Variants in ASIC2 observed in about 807,000 individuals in gnomAD.
The protein encoded by ASIC2 is acid sensing ion channel subunit 2.
ASIC2 carries 25 observed loss-of-function variants against 57.3 expected under a neutral mutation model. The ratio of observed to expected loss-of-function variants is 0.44; its 90% CI spans 0.32 to 0.61. ASIC2 has a LOEUF of 0.61. ASIC2 is among the 20% of genes least tolerant of loss of function. ASIC2 has a pLI of 0.06. For synonymous variants in ASIC2, 319 were observed against 307.5 expected, an observed-to-expected ratio of 1.04 and a Z score of -0.39; for missense variants, 641 against 738.1, an observed-to-expected ratio of 0.87 and a Z score of 1.52.
intron 1 of ASIC2, among the ~76,000 whole-genome samples, chr17:33,309,268 T>A (rs1308959064): frequency 1.3e-5 from 2 of 152,164 alleles, no homozygotes; most frequent in Admixed American, 1.3e-4. Context: ...CACACATCTC[T>A]TTTTCTTCAT....
At chr17:33,522,444 C>T (rs1166575437) in intron 1 of ASIC2, among the ~76,000 whole-genome samples, 1 of 152,206 alleles carries the variant, frequency 6.6e-6, no homozygotes, top group Non-Finnish European at 1.5e-5. Flanking sequence ...TTTGTAGGGG[C>T]AGCGGCTTGG....
chr17:33,232,359 T>C (rs1440535912), intron 1 of ASIC2, among the ~76,000 whole-genome samples: 1 of 152,038 alleles, frequency 6.6e-6, no homozygotes, highest in Non-Finnish European at 1.5e-5. Context: ...TAAATTTCTG[T>C]AGGTAAGACA....
chr17:33,486,000 C>T (rs1156760192), intron 1 of ASIC2, among the ~76,000 whole-genome samples: 1 of 152,340 alleles, frequency 6.6e-6, no homozygotes, highest in African/African-American at 2.4e-5. Flanking sequence ...CTTGCCCCCG[C>T]CTCACGGCTG....
At chr17:33,883,380 C>G (rs1914751548) in intron 1 of ASIC2, among the ~76,000 whole-genome samples, 1 of 152,202 alleles carries the variant, frequency 6.6e-6, no homozygotes, top group South Asian at 2.1e-4. Flanking sequence ...TAGCTTAAAA[C>G]TGAACTTGTA....
chr17:33,161,873 T>G (rs1016029735), intron 1 of ASIC2, among the ~76,000 whole-genome samples: 1 of 144,614 alleles, frequency 6.9e-6, no homozygotes, highest in African/African-American at 2.5e-5. Flanking sequence ...TTTTTTTTTT[T>G]TTTTTTTTTT....
intron 1 of ASIC2, among the ~76,000 whole-genome samples, chr17:34,103,727 G>A (rs1289412206): frequency 2.0e-5 from 3 of 151,264 alleles, no homozygotes; most frequent in African/African-American, 4.9e-5. Context: ...TTTTTCCTTT[G>A]AGTGACTTGC....
At chr17:33,783,330 G>T (rs550615725) in intron 1 of ASIC2, among the ~76,000 whole-genome samples, 1 of 152,290 alleles carries the variant, frequency 6.6e-6, no homozygotes, top group Admixed American at 6.5e-5. Context: ...TGAGATCTTG[G>T]CCATGTAACA....
chr17:33,338,751 T>C (rs1292874111), intron 1 of ASIC2, among the ~76,000 whole-genome samples: 1 of 152,098 alleles, frequency 6.6e-6, no homozygotes, highest in Non-Finnish European at 1.5e-5. Flanking sequence ...CTTGGGTGGA[T>C]AAGAGGAAAA....
intron 1 of ASIC2, among the ~76,000 whole-genome samples, chr17:33,346,887 C>T (rs1029119136): frequency 2.0e-5 from 3 of 152,148 alleles, no homozygotes; most frequent in African/African-American, 7.2e-5. Flanking sequence ...TCACCAAAGC[C>T]TAGAGCGGAA....
chr17:33,949,735 T>C (rs1283204824), intron 1 of ASIC2, among the ~76,000 whole-genome samples: 2 of 152,168 alleles, frequency 1.3e-5, no homozygotes, highest in Non-Finnish European at 2.9e-5. Flanking sequence ...AAATGTGGGA[T>C]CGTGTTTGGT....
intron 1 of ASIC2, among the ~76,000 whole-genome samples, chr17:33,465,351 G>A (rs1912826582): frequency 6.7e-6 from 1 of 149,904 alleles, no homozygotes; most frequent in South Asian, 2.1e-4. Context: ...ATCTTTGAGT[G>A]TGGGCCTTTT....
chr17:33,956,210 C>T (rs1026881858), intron 1 of ASIC2, among the ~76,000 whole-genome samples: 6 of 152,244 alleles, frequency 3.9e-5, no homozygotes, highest in South Asian at 2.1e-4. Flanking sequence ...TCAATAGGAG[C>T]GGGAGCGCTG....
intron 1 of ASIC2, among the ~76,000 whole-genome samples, chr17:33,566,109 T>G (rs147622242): frequency 1.3e-5 from 2 of 152,348 alleles, no homozygotes; most frequent in East Asian, 3.9e-4. Flanking sequence ...CCCTTACGTC[T>G]TTCTCTGTTA....
chr17:33,643,783 G>T, intron 1 of ASIC2, among the ~76,000 whole-genome samples: 1 of 152,212 alleles, frequency 6.6e-6, no homozygotes, highest in East Asian at 1.9e-4. Flanking sequence ...GAGAGTTAGA[G>T]TGTAAAGCAT....
At chr17:33,594,697 G>A (rs1029423037) in intron 1 of ASIC2, among the ~76,000 whole-genome samples, 3 of 151,952 alleles carry the variant, frequency 2.0e-5, no homozygotes, top group East Asian at 3.9e-4. Flanking sequence ...GCGTGCTGGC[G>A]GGCGCCTGTA....
intron 1 of ASIC2, among the ~76,000 whole-genome samples, chr17:33,806,681 T>C (rs1912276545): frequency 6.6e-6 from 1 of 152,234 alleles, no homozygotes; most frequent in Non-Finnish European, 1.5e-5. Flanking sequence ...ACTTTTGCAC[T>C]GAAGGCAGGG....
chr17:33,263,909 C>T (rs1909373405), intron 1 of ASIC2, among the ~76,000 whole-genome samples: 1 of 152,028 alleles, frequency 6.6e-6, no homozygotes, highest in Non-Finnish European at 1.5e-5. Flanking sequence ...TCAATAGGTC[C>T]CCAAGTCGCA....
chr17:34,086,088 A>C (rs1035198608), intron 1 of ASIC2, among the ~76,000 whole-genome samples: 53 of 149,206 alleles, frequency 3.6e-4, no homozygotes, highest in Non-Finnish European at 6.2e-4. Flanking sequence ...TAGCTTTTGA[A>C]TGTGTTTGCT....
chr17:33,977,704 C>T (rs1415142525), intron 1 of ASIC2, among the ~76,000 whole-genome samples: 1 of 152,196 alleles, frequency 6.6e-6, no homozygotes, highest in South Asian at 2.1e-4. Context: ...TTCCCTCTGG[C>T]CCCAAAGAGA....
Sources: allele counts gnomAD v4.1 joint callset (sites outside exome capture counted in the v4.1 genomes callset), GRCh38; gene constraint gnomAD v4.1.1; transcripts MANE v1.5; gene names NCBI Gene and HGNC (gene_info 2026-07-23, HGNC 2026-07-21).